FRYL: variants seen among roughly 807,000 people sequenced by gnomAD.
FRYL encodes the protein FRY like transcription coactivator, also known as protein furry homolog-like.
FRYL carries 150 observed loss-of-function variants against 351.2 expected under a neutral mutation model. That is an observed-to-expected ratio of 0.43 (90% CI 0.37 to 0.49). The LOEUF (loss-of-function observed/expected upper bound fraction) is 0.49, where lower values mean the gene tolerates loss of function less well. FRYL is among the 20% of genes least tolerant of loss of function. FRYL has a pLI of 0.00. For synonymous variants in FRYL, 1,153 were observed against 1,257.1 expected (o/e 0.92, Z 1.75); for missense variants, 3,036 against 3,619.3 (o/e 0.84, Z 4.13).
intron 1 of FRYL, among the ~76,000 whole-genome samples, chr4:48,743,192 A>G (rs964107349): frequency 2.6e-5 from 4 of 151,956 alleles, no homozygotes; most frequent in Non-Finnish European, 5.9e-5. Flanking sequence ...TATGTAATCA[A>G]AGGCAGAAAA....
intron 3 of FRYL, among the ~76,000 whole-genome samples, chr4:48,650,068 C>T (rs964524661): frequency 4.0e-5 from 6 of 151,560 alleles, no homozygotes; most frequent in Non-Finnish European, 8.8e-5. Flanking sequence ...TTTATAAAGG[C>T]TATTAATAAA....
chr4:48,502,967 A>G, intron 60 of FRYL, 122 bp from the exon 61 acceptor site: 2 of 663,926 alleles, frequency 3.0e-6, no homozygotes, highest in Non-Finnish European at 5.1e-6. Flanking sequence ...ACATATATTT[A>G]TACCCCAAAG....
intron 37 of FRYL, among the ~76,000 whole-genome samples, chr4:48,551,146 C>A (rs1052229940): frequency 6.6e-6 from 1 of 151,780 alleles, no homozygotes; most frequent in Admixed American, 6.6e-5. Flanking sequence ...ACCTTATAAT[C>A]CAAAAGCTTA....
intron 11 of FRYL, among the ~76,000 whole-genome samples, chr4:48,604,622 G>A (rs1398897815): frequency 6.6e-6 from 1 of 152,142 alleles, no homozygotes; most frequent in East Asian, 1.9e-4. Flanking sequence ...AAGGGGCATG[G>A]AGCAGGTTCC....
At chr4:48,629,534 G>A (rs1368255654) in intron 4 of FRYL, among the ~76,000 whole-genome samples, 1 of 152,088 alleles carries the variant, frequency 6.6e-6, no homozygotes, top group African/African-American at 2.4e-5. Flanking sequence ...CTAGGTTCTG[G>A]AGATACAGCC....
chr4:48,703,206 C>T (rs116479928), intron 2 of FRYL, among the ~76,000 whole-genome samples: 2,679 of 152,216 alleles, frequency 0.018, 73 homozygotes, highest in African/African-American at 0.061. Context: ...TCTTCTGAAG[C>T]AGACTAGATG....
At position 48,521,116 on chromosome 4, in the gene FRYL, G is replaced by A. The variant is rs938407702; in HGVS notation, c.7621C>T (p.Leu2541Phe). 3.7e-6 allele frequency: 6 copies of A among 1,613,598 alleles called. No individual in the cohort carries two copies. In the African/African-American group the frequency reaches 6.7e-5, roughly 18 times the overall value. ...STGSITTEEVLQIRDETPTLE... is the reference protein window; with the variant it reads ...STGSITTEEVFQIRDETPTLE... ...GTTGGGGTCTCATCCCTGATTTGAA[G>A]CACTTCCTCTGTTGTGATGCTGCCA... Residue 2541 changes from leucine (L) to phenylalanine (F), a missense_variant, in exon 55 of 64, where the codon CTT becomes TTT. This residue lies in a region of FRYL where 1,987 missense variants were observed against 2,311.7 expected (regional missense o/e 0.86). Coordinates refer to ENST00000358350, the MANE Select transcript of FRYL (RefSeq NM_015030.2).
chr4:48,696,294 T>C (rs1214855533), intron 2 of FRYL, among the ~76,000 whole-genome samples: 1 of 152,100 alleles, frequency 6.6e-6, no homozygotes, highest in Non-Finnish European at 1.5e-5. Flanking sequence ...CCATCAATGA[T>C]AGACTGGATA....
intron 15 of FRYL, 62 bp downstream of exon 15, chr4:48,595,528 G>A (rs1201316079): frequency 1.1e-6 from 1 of 904,370 alleles, no homozygotes; most frequent in Non-Finnish European, 1.7e-6. Flanking sequence ...AAAGCTCCAA[G>A]TGATTACAAT....
At chr4:48,582,898 T>C (rs1199318631) in intron 19 of FRYL, among the ~76,000 whole-genome samples, 164 bp from the exon 20 acceptor site, 1 of 152,240 alleles carries the variant, frequency 6.6e-6, no homozygotes, top group African/African-American at 2.4e-5. Flanking sequence ...TTCAACTTTA[T>C]GCTAGTTTAT....
intron 53 of FRYL, among the ~76,000 whole-genome samples, chr4:48,527,121 C>T (rs1378854308): frequency 6.6e-6 from 1 of 152,098 alleles, no homozygotes; most frequent in Non-Finnish European, 1.5e-5. Context: ...GTAAGTGCAA[C>T]TCTCTTTAAA....
chr4:48,667,638 T>A (rs1433640234), intron 3 of FRYL, among the ~76,000 whole-genome samples: 1 of 152,080 alleles, frequency 6.6e-6, no homozygotes, highest in Non-Finnish European at 1.5e-5. Context: ...TTGGACCCTT[T>A]CTTCAAAGCT....
At chr4:48,535,916 T>A in intron 47 of FRYL, 89 bp from the exon 48 acceptor site, 1 of 1,049,856 alleles carries the variant, frequency 9.5e-7, no homozygotes, top group Non-Finnish European at 1.3e-6. Flanking sequence ...CTTAATGAAA[T>A]AATTTAGATG....
At chr4:48,605,177 G>A (rs546784792) in intron 11 of FRYL, among the ~76,000 whole-genome samples, 25 of 152,260 alleles carry the variant, frequency 1.6e-4, no homozygotes, top group Admixed American at 3.3e-4. Flanking sequence ...TATGAGTTTT[G>A]TGTGTCCCCA....
Position 48,549,669 on chromosome 4 carries a change from C to A in FRYL, c.4634-46G>T. On this transcript the variant is annotated intron_variant, in intron 38 of 63. Coordinates refer to ENST00000358350, the MANE Select transcript of FRYL (RefSeq NM_015030.2). The surrounding 1 kb of genome is among the most constrained non-coding windows in gnomAD (Gnocchi z 4.2). Reference sequence around the variant, plus strand: ...CATTTTCTACACCATCTAATTTCTGCCAATATAAGCAAACTCTAGTAAGAT... The same window carrying A: ...CATTTTCTACACCATCTAATTTCTGACAATATAAGCAAACTCTAGTAAGAT... 1.3e-6 allele frequency: 2 copies of A among 1,493,558 alleles called. No homozygotes were observed. The highest frequency in any genetic ancestry group is 2.5e-5 in the South Asian group (2 of 81,066). The allele number at this position is 1,493,558 out of a possible 1,614,324, so 92.5% of individuals were successfully genotyped here.
Position 48,636,265 on chromosome 4 carries a change from T to A in FRYL, c.-80-1775A>T, listed in dbSNP as rs112610103. On this transcript the variant is annotated intron_variant, in intron 3 of 63. Transcript: ENST00000358350. ...ATGTCATTGTGGAAGAAAGAAGAGCTCTCTAATTTTTAAAAAATTATTTTG... is the reference window on the plus strand; with the variant it reads ...ATGTCATTGTGGAAGAAAGAAGAGCACTCTAATTTTTAAAAAATTATTTTG... 4.5e-3 allele frequency among the ~76,000 whole-genome samples: 682 copies of A among 152,206 alleles called. 4 individuals carry two copies. The highest frequency in any genetic ancestry group is 0.015 in the African/African-American group (633 of 41,578).
intron 1 of FRYL, among the ~76,000 whole-genome samples, chr4:48,714,122 G>C (rs1365572981): frequency 1.3e-5 from 2 of 152,138 alleles, no homozygotes; most frequent in Non-Finnish European, 2.9e-5. Flanking sequence ...ATTTAAAGCA[G>C]TGTGTAGAGG....
intron 3 of FRYL, among the ~76,000 whole-genome samples, chr4:48,675,802 T>G (rs908273672): frequency 1.3e-5 from 2 of 152,206 alleles, no homozygotes; most frequent in African/African-American, 4.8e-5. Context: ...CCAGCTGGGC[T>G]CCTGAGTCTG....
chr4:48,557,966 T>C (rs930300055), intron 33 of FRYL, among the ~76,000 whole-genome samples: 2 of 152,178 alleles, frequency 1.3e-5, no homozygotes, highest in African/African-American at 2.4e-5. Context: ...GTTGGTGGCA[T>C]TGTAAAATGG....
Sources: allele counts gnomAD v4.1 joint callset (sites outside exome capture counted in the v4.1 genomes callset), GRCh38; gene constraint gnomAD v4.1.1; regional missense constraint gnomAD v4.1.1; non-coding constraint Gnocchi (gnomAD v3.1); transcripts MANE v1.5; gene names NCBI Gene and HGNC (gene_info 2026-07-23, HGNC 2026-07-21).